The following NEGR1 variants were observed in gnomAD, a reference collection of about 807,000 sequenced individuals.
The protein encoded by NEGR1 is neuronal growth regulator 1.
A neutral mutation model predicts 40.9 loss-of-function variants in NEGR1; 10 were observed. The observed-to-expected ratio is 0.24, with a 90% confidence interval of 0.15 to 0.42. The LOEUF (loss-of-function observed/expected upper bound fraction) is 0.42. Among genes scored for constraint, NEGR1 ranks in the 10% least tolerant of loss-of-function variants. The probability of loss-of-function intolerance (pLI) is 1.00; values close to 1 mark genes in which losing one functional copy is unlikely to be tolerated. For synonymous variants in NEGR1, 185 were observed against 166.8 expected, an observed-to-expected ratio of 1.11 and a Z score of -0.84; for missense variants, 352 against 438.9, an observed-to-expected ratio of 0.80 and a Z score of 1.77.
intron 6 of NEGR1, among the ~76,000 whole-genome samples, chr1:71,559,607 C>A (rs357208): frequency 2.0e-5 from 3 of 151,268 alleles, no homozygotes; most frequent in Non-Finnish European, 4.4e-5. Context: ...TCTTTCACCC[C>A]AAAAGTTCCC....
intron 6 of NEGR1, among the ~76,000 whole-genome samples, chr1:71,415,836 T>C (rs1156525906): frequency 6.6e-6 from 1 of 152,178 alleles, no homozygotes; most frequent in Non-Finnish European, 1.5e-5. Flanking sequence ...TTGAACTTGG[T>C]ATGGCAACTC....
chr1:72,112,671 G>C (rs528318212), intron 1 of NEGR1, among the ~76,000 whole-genome samples: 1 of 140,168 alleles, frequency 7.1e-6, no homozygotes, highest in Non-Finnish European at 1.6e-5. Flanking sequence ...AATTTCCCTA[G>C]ACTGGAGGGA....
intron 2 of NEGR1, among the ~76,000 whole-genome samples, chr1:71,777,191 C>G (rs577022143): frequency 1.3e-5 from 2 of 152,098 alleles, no homozygotes; most frequent in South Asian, 2.1e-4. Flanking sequence ...GTATAAATCT[C>G]TATTGGCTAA....
chr1:72,097,522 T>C (rs565146590), intron 1 of NEGR1, among the ~76,000 whole-genome samples: 2 of 152,166 alleles, frequency 1.3e-5, no homozygotes, highest in African/African-American at 4.8e-5. Flanking sequence ...ATTTCCTTTT[T>C]AGAAAAAGAG....
At chr1:71,532,391 C>CA (rs1057178050) in intron 6 of NEGR1, among the ~76,000 whole-genome samples, 46 of 151,604 alleles carry the variant, frequency 3.0e-4, no homozygotes, top group African/African-American at 1.1e-3. Context: ...TTCAAGAGAC[C>CA]AAAATCTCCT....
chr1:72,166,238 C>T (rs946246373), intron 1 of NEGR1, among the ~76,000 whole-genome samples: 5 of 151,814 alleles, frequency 3.3e-5, no homozygotes, highest in Admixed American at 6.6e-5. Context: ...AAAAAAATAT[C>T]GCCTCATACC....
chr1:71,925,060 C>T (rs374947364), intron 2 of NEGR1, among the ~76,000 whole-genome samples: 9 of 152,126 alleles, frequency 5.9e-5, no homozygotes, highest in African/African-American at 2.2e-4. Context: ...TTGTCAGACA[C>T]CATCCTGGTT....
intron 1 of NEGR1, among the ~76,000 whole-genome samples, chr1:72,106,676 T>C (rs759873713): frequency 1.1e-4 from 17 of 151,944 alleles, no homozygotes; most frequent in Non-Finnish European, 2.5e-4. Flanking sequence ...AGGAAGACAA[T>C]ACATCTAGAA....
intron 1 of NEGR1, among the ~76,000 whole-genome samples, chr1:72,147,155 T>C (rs559309718): frequency 6.6e-6 from 1 of 152,254 alleles, no homozygotes; most frequent in East Asian, 1.9e-4. Flanking sequence ...ATTTTAAAAG[T>C]AAAAATTTAG....
At chr1:71,596,012 T>C (rs1239732164) in intron 5 of NEGR1, among the ~76,000 whole-genome samples, 2 of 144,398 alleles carry the variant, frequency 1.4e-5, no homozygotes, top group African/African-American at 5.3e-5. Context: ...TGCTTTCTTA[T>C]AGCCCCTGCC....
At chr1:72,100,199 A>G (rs1006588510) in intron 1 of NEGR1, among the ~76,000 whole-genome samples, 2 of 152,156 alleles carry the variant, frequency 1.3e-5, no homozygotes, top group Non-Finnish European at 2.9e-5. Context: ...ATCCAAGATT[A>G]TAACTAAAAA....
chr1:71,838,692 A>G lies in NEGR1; in HGVS notation c.410-62395T>C, dbSNP rs544079887. The stretch of plus-strand genomic sequence containing the variant: ...TTAAACATCTTCATAAATGATATGC[A>G]GTTGGTTGTTAATAACATTATTTAA... On this transcript the variant is annotated intron_variant, in intron 2 of 6. Transcript: ENST00000357731. Among the ~76,000 whole-genome samples, 4 of 152,226 alleles carry G rather than the reference A, an allele frequency of 2.6e-5. No individual in the cohort carries two copies. The East Asian group carries it at 7.7e-4, about 29-fold the overall frequency.
chr1:71,933,808 A>G (rs1645877835), intron 2 of NEGR1, among the ~76,000 whole-genome samples: 1 of 152,092 alleles, frequency 6.6e-6, no homozygotes, highest in South Asian at 2.1e-4. Context: ...TTCAATTTAT[A>G]CTTTCCTCCT....
At chr1:71,988,103 G>C (rs1001449510) in intron 1 of NEGR1, among the ~76,000 whole-genome samples, 23 of 152,202 alleles carry the variant, frequency 1.5e-4, no homozygotes, top group Non-Finnish European at 2.8e-4. Flanking sequence ...TTAACAGCAA[G>C]AAGAGGTCAC....
intron 2 of NEGR1, among the ~76,000 whole-genome samples, chr1:71,827,704 C>T (rs1658684446): frequency 1.3e-5 from 2 of 151,796 alleles, no homozygotes; most frequent in African/African-American, 2.4e-5. Flanking sequence ...ATGGGCAACA[C>T]AGAATTTTTG....
rs551378405 is a variant in NEGR1 at position 71,807,039 on chromosome 1, C to T, written c.410-30742G>A. 2.8e-3 allele frequency among the ~76,000 whole-genome samples: 423 copies of T among 151,884 alleles called. 2 individuals carry two copies. Among genetic ancestry groups the T allele is most frequent in the African/African-American group, 9.9e-3 (410 of 41,432 alleles). On this transcript the variant is annotated intron_variant, in intron 2 of 6. Transcript: ENST00000357731. ...TCCCAAGTAGCTGGGACTACAGGCG[C>T]CTGCCACAATGCCCGGCTAATTTTT...
At chr1:71,719,983 A>G (rs1406567772) in intron 3 of NEGR1, among the ~76,000 whole-genome samples, 1 of 152,160 alleles carries the variant, frequency 6.6e-6, no homozygotes, top group Non-Finnish European at 1.5e-5. Flanking sequence ...TAATGCCATT[A>G]TGAAAAAGAA....
At chr1:72,161,776 T>C (rs940619408) in intron 1 of NEGR1, among the ~76,000 whole-genome samples, 3 of 149,482 alleles carry the variant, frequency 2.0e-5, no homozygotes, top group Non-Finnish European at 3.0e-5. Flanking sequence ...CTTCCTGGGT[T>C]CAAGCGATCC....
intron 2 of NEGR1, among the ~76,000 whole-genome samples, chr1:71,930,414 T>A (rs1232932351): frequency 1.3e-5 from 2 of 152,164 alleles, no homozygotes; most frequent in African/African-American, 4.8e-5. Flanking sequence ...ATCTTAGAAA[T>A]AAATTTTTGA....
Sources: allele counts gnomAD v4.1 joint callset (sites outside exome capture counted in the v4.1 genomes callset), GRCh38; gene constraint gnomAD v4.1.1; transcripts MANE v1.5; gene names NCBI Gene and HGNC (gene_info 2026-07-23, HGNC 2026-07-21).